OR1F1: variants seen among roughly 807,000 people sequenced by gnomAD.
OR1F1 encodes olfactory receptor family 1 subfamily F member 1.
For missense variants in OR1F1, 493 were observed against 376.3 expected (o/e 1.31, Z -2.57); for synonymous variants, 184 against 156.7 (o/e 1.17, Z -1.30).
the OR1F1 span, among the ~76,000 whole-genome samples, chr16:3,195,122 T>C: frequency 7.2e-5 from 11 of 152,320 alleles, no homozygotes; most frequent in Middle Eastern, 3.4e-3. Context: ...AGGAGGGTGC[T>C]TCTTGCTCAG....
At chr16:3,197,705 A>T in the OR1F1 span, among the ~76,000 whole-genome samples, 1 of 120,410 alleles carries the variant, frequency 8.3e-6, no homozygotes, top group Non-Finnish European at 1.8e-5. Flanking sequence ...GAGAGGGAGA[A>T]GGAGAGGGAG....
chr16:3,198,752 G>A, the OR1F1 span, among the ~76,000 whole-genome samples: 2 of 152,088 alleles, frequency 1.3e-5, no homozygotes, highest in African/African-American at 4.8e-5. Context: ...ATTTTGAGAG[G>A]CGAGGCAGGA....
chr16:3,195,538 C>A, the OR1F1 span, among the ~76,000 whole-genome samples: 1 of 151,786 alleles, frequency 6.6e-6, no homozygotes, highest in African/African-American at 2.4e-5. Flanking sequence ...AAATATTAAC[C>A]GGGCGTGGTG....
upstream of OR1F1, among the ~76,000 whole-genome samples, chr16:3,199,412 G>A (rs1283567059): frequency 6.6e-6 from 1 of 151,324 alleles, no homozygotes; most frequent in East Asian, 2.0e-4. Flanking sequence ...GGAGGCTGAG[G>A]TAAGAGGATT....
chr16:3,190,434 A>G, the OR1F1 span, among the ~76,000 whole-genome samples: 1 of 139,002 alleles, frequency 7.2e-6, no homozygotes, highest in Non-Finnish European at 1.7e-5. Flanking sequence ...CAAGAATCAA[A>G]GAAATTTACA....
At chr16:3,191,975 G>A in the OR1F1 span, among the ~76,000 whole-genome samples, 71 of 152,220 alleles carry the variant, frequency 4.7e-4, no homozygotes, top group African/African-American at 1.5e-3. Context: ...GAAAAGTAAA[G>A]GGCCTGCTGC....
the OR1F1 span, among the ~76,000 whole-genome samples, chr16:3,193,339 C>A: frequency 6.6e-6 from 1 of 152,222 alleles, no homozygotes; most frequent in Non-Finnish European, 1.5e-5. Flanking sequence ...ACGCACCCAG[C>A]CCGAGACCCT....
At chr16:3,189,707 G>T in the OR1F1 span, 1 of 151,810 alleles carries the variant, frequency 6.6e-6, no homozygotes, top group South Asian at 2.1e-4. Context: ...GACGAGCCCG[G>T]CTTTTGGTGC....
the OR1F1 span, among the ~76,000 whole-genome samples, chr16:3,194,740 C>A: frequency 5.9e-5 from 9 of 152,126 alleles, no homozygotes; most frequent in Non-Finnish European, 1.5e-5. Flanking sequence ...TTAAGGGGGG[C>A]ACTTGCGGAA....
At chr16:3,201,090 C>T (rs185122511), upstream of OR1F1, among the ~76,000 whole-genome samples, 66 of 152,288 alleles carry the variant, frequency 4.3e-4, no homozygotes, top group Admixed American at 2.2e-3. Flanking sequence ...TCTTTTGTAT[C>T]TGGCTTCTTT....
At chr16:3,194,918 T>C in the OR1F1 span, among the ~76,000 whole-genome samples, 2 of 152,190 alleles carry the variant, frequency 1.3e-5, no homozygotes, top group African/African-American at 4.8e-5. Context: ...CCACCGCCCT[T>C]CTTCTGTGAC....
chr16:3,204,463 T>C, exon 1 of OR1F1: 1 of 1,614,100 alleles, frequency 6.2e-7, no homozygotes. Context: ...GGACATCTGC[T>C]TCTCCTTCAC....
chr16:3,205,096 A>G (rs1479755421), exon 1 of OR1F1: 1 of 1,614,082 alleles, frequency 6.2e-7, no homozygotes, highest in Non-Finnish European at 8.5e-7. Context: ...AGTGACTCCC[A>G]TGCTAAACCC....
the OR1F1 span, among the ~76,000 whole-genome samples, chr16:3,192,006 G>T: frequency 1.3e-5 from 2 of 152,124 alleles, no homozygotes; most frequent in Non-Finnish European, 2.9e-5. Flanking sequence ...TGGTCTAGGG[G>T]TATGATTCTC....
At chr16:3,189,433 C>G in the OR1F1 span, among the ~76,000 whole-genome samples, 1 of 152,206 alleles carries the variant, frequency 6.6e-6, no homozygotes, top group South Asian at 2.1e-4. Flanking sequence ...ATTGTGGTAG[C>G]GCCAGGGCTG....
chr16:3,192,803 G>A, the OR1F1 span, among the ~76,000 whole-genome samples: 1 of 152,168 alleles, frequency 6.6e-6, no homozygotes, highest in African/African-American at 2.4e-5. Context: ...TGCGGCCCGG[G>A]AGGCTGCTAA....
At chr16:3,199,947 C>T (rs898294536), upstream of OR1F1, among the ~76,000 whole-genome samples, 2 of 150,942 alleles carry the variant, frequency 1.3e-5, no homozygotes, top group African/African-American at 4.9e-5. Flanking sequence ...ACCCAGGAGG[C>T]GGAGGTTGTG....
upstream of OR1F1, among the ~76,000 whole-genome samples, chr16:3,199,795 C>T (rs1379780280): frequency 1.3e-5 from 2 of 152,202 alleles, no homozygotes; most frequent in South Asian, 2.1e-4. Flanking sequence ...GCGGGCGGAT[C>T]GCCTGAGGTC....
chr16:3,191,950 C>T, the OR1F1 span, among the ~76,000 whole-genome samples: 1 of 152,186 alleles, frequency 6.6e-6, no homozygotes, highest in African/African-American at 2.4e-5. Context: ...CCAAGTACTC[C>T]ACGGCTGCCA....
Sources: allele counts gnomAD v4.1 joint callset (sites outside exome capture counted in the v4.1 genomes callset), GRCh38; gene constraint gnomAD v4.1.1; transcripts MANE v1.5; gene names NCBI Gene and HGNC (gene_info 2026-07-23, HGNC 2026-07-21).